AXIN1: variants seen among roughly 807,000 people sequenced by gnomAD.
AXIN1 encodes axin 1.
Under a neutral mutation model 76.4 loss-of-function variants are expected in AXIN1, and 30 were observed. That is an observed-to-expected ratio of 0.39 (90% confidence interval 0.29 to 0.53). AXIN1 has a LOEUF of 0.53. Among genes scored for constraint, AXIN1 ranks in the 20% least tolerant of loss-of-function variants. AXIN1 has a pLI of 0.66. For synonymous variants in AXIN1, 545 were observed against 501.4 expected (o/e 1.09, Z -1.16); for missense variants, 1,140 against 1,198.8 (o/e 0.95, Z 0.72).
intron 3 of AXIN1, among the ~76,000 whole-genome samples, chr16:312,252 A>C (rs115656936): frequency 0.024 from 3,642 of 152,200 alleles, 140 homozygotes; most frequent in African/African-American, 0.084. Flanking sequence ...GCCCCACCGG[A>C]ATGATGCTCT....
Position 352,289 on chromosome 16 carries a change from C to G in AXIN1, c.-82+80G>C, listed in dbSNP as rs995629910. The G allele has an allele frequency of 1.4e-5, 12 of 869,894 alleles. No homozygotes were observed. The Admixed American group carries it at 1.9e-4, about 14-fold the overall frequency. The allele number at this position is 869,894 out of a possible 1,614,324, so 53.9% of individuals were successfully genotyped here. A position where few individuals can be genotyped will look rare whatever the true frequency, so the allele number is the denominator to read the frequency against. ...CCCTCGGTCCCACGCGCGTCAGCCA[C>G]CCGCGCCCCCCGCCGCTTCCGGGTC... On this transcript the variant is annotated intron_variant, in intron 1 of 10. Coordinates refer to ENST00000262320, the MANE Select transcript of AXIN1 (RefSeq NM_003502.4).
In AXIN1 at chr16:352,427, G is replaced by T. The variant is rs775147066; in HGVS notation, c.-140C>A. 2 of 979,074 alleles carry T rather than the reference G, an allele frequency of 2.0e-6. No homozygotes were observed. The highest frequency in any genetic ancestry group is 9.4e-5 in the South Asian group (2 of 21,356). 60.6% of individuals were successfully genotyped at this position (979,074 alleles called of 1,614,324 possible). On this transcript the variant is annotated 5_prime_UTR_variant, in exon 1 of 11. Transcript: ENST00000262320. The stretch of plus-strand genomic sequence containing the variant: ...CTCCCGGAGCGGCGCGGCGCGGTCC[G>T]GGCCCATGCGCTCAGCGGCAGCGCG...
At chr16:322,584 G>A (rs2053482751) in intron 2 of AXIN1, among the ~76,000 whole-genome samples, 1 of 152,190 alleles carries the variant, frequency 6.6e-6, no homozygotes, top group South Asian at 2.1e-4. Context: ...GGACCTGGCT[G>A]TCCGCGAGGC....
chr16:325,342 C>T (rs1329251949), intron 2 of AXIN1, among the ~76,000 whole-genome samples: 1 of 152,226 alleles, frequency 6.6e-6, no homozygotes, highest in Non-Finnish European at 1.5e-5. Context: ...TGGCTTTCTT[C>T]ACTGGCACAG....
At chr16:290,718 A>G in intron 9 of AXIN1, 1 of 300,410 alleles carries the variant, frequency 3.3e-6, no homozygotes, top group South Asian at 3.1e-5. Context: ...AGGTGGGAGC[A>G]GAGCCCCGAC....
At chr16:303,915 C>G (rs2052943803) in intron 5 of AXIN1, among the ~76,000 whole-genome samples, 1 of 152,226 alleles carries the variant, frequency 6.6e-6, no homozygotes, top group African/African-American at 2.4e-5. Flanking sequence ...ACGCCACTAG[C>G]CCTTCCTGCT....
chr16:349,415 G>A (rs1335722101), intron 1 of AXIN1, among the ~76,000 whole-genome samples: 5 of 152,184 alleles, frequency 3.3e-5, no homozygotes, highest in African/African-American at 1.2e-4. Flanking sequence ...ATCTGTCTGG[G>A]ACGCCATCAC....
chr16:334,792 G>A (rs529655228), intron 2 of AXIN1, among the ~76,000 whole-genome samples: 7 of 149,994 alleles, frequency 4.7e-5, no homozygotes, highest in Non-Finnish European at 8.9e-5. Context: ...GCCACAGCAT[G>A]CCAATAACAC....
intron 2 of AXIN1, among the ~76,000 whole-genome samples, chr16:326,994 T>C (rs1395261355): frequency 6.6e-6 from 1 of 150,604 alleles, no homozygotes; most frequent in Non-Finnish European, 1.5e-5. Context: ...TAAAAAAAAT[T>C]AGCCGGGTGC....
intron 7 of AXIN1, among the ~76,000 whole-genome samples, chr16:295,881 T>G (rs754534057): frequency 4.6e-5 from 7 of 152,030 alleles, no homozygotes; most frequent in Non-Finnish European, 1.0e-4. Flanking sequence ...GCAGGAGAAT[T>G]GCTTGAACCC....
rs1240455838 is a variant in AXIN1 at position 293,375 on chromosome 16, A to G, written c.2186+113T>C. The G allele has an allele frequency of 1.9e-6, 2 of 1,052,310 alleles. No individual in the cohort carries two copies. Among genetic ancestry groups the G allele is most frequent in the East Asian group, 2.6e-5 (1 of 38,434 alleles). 65.2% of individuals were successfully genotyped at this position (1,052,310 alleles called of 1,614,324 possible). A position where few individuals can be genotyped will look rare whatever the true frequency, so the allele number is the denominator to read the frequency against. ...TGGAAGGGCCCAGTATGGCTGGGGG[A>G]CACCCAGAGGGCCGTTTTTCCCCTG... On this transcript the variant is annotated intron_variant, in intron 8 of 10. Transcript: ENST00000262320. This position sits in a 1 kb window ranked among gnomAD's most constrained non-coding sequence, Gnocchi z 4.6.
rs547224994 is a variant in AXIN1, at chr16:291,169, G to A, written c.2294+21C>T. 19 of 1,562,172 alleles carry A rather than the reference G, an allele frequency of 1.2e-5. No individual in the cohort carries two copies. The African/African-American group carries it at 1.8e-4, about 14-fold the overall frequency. ...AGGGCTGGGGTGGGCAGGACCGGGA[G>A]GACCCTCAGGACGCACGTACTCTGT... On this transcript the variant is annotated intron_variant, in intron 9 of 10. Transcript: ENST00000262320.
intron 9 of AXIN1, chr16:290,906 C>T: frequency 1.9e-6 from 1 of 515,912 alleles, no homozygotes; most frequent in Non-Finnish European, 3.5e-6. Flanking sequence ...GGAAGCCTGG[C>T]CGTGACACCT....
At chr16:300,091 C>G (rs1003850265) in intron 5 of AXIN1, among the ~76,000 whole-genome samples, 7 of 152,148 alleles carry the variant, frequency 4.6e-5, no homozygotes, top group Admixed American at 1.3e-4. Context: ...AGGCACCCAC[C>G]ACCATGCCCA....
chr16:328,836 C>T (rs2053633265), intron 2 of AXIN1, among the ~76,000 whole-genome samples: 1 of 152,148 alleles, frequency 6.6e-6, no homozygotes, highest in South Asian at 2.1e-4. Flanking sequence ...GGCCGGGCAC[C>T]CTGTCCTCTC....
In AXIN1 at chr16:301,834, A is replaced by G. The variant is rs373260471; in HGVS notation, c.1254+2470T>C. Among the ~76,000 whole-genome samples, 58 of 152,288 alleles carry G rather than the reference A, an allele frequency of 3.8e-4. No individual in the cohort carries two copies. In the East Asian group the frequency reaches 0.01, roughly 26 times the overall value. On this transcript the variant is annotated intron_variant, in intron 5 of 10. Transcript: ENST00000262320. ...TCTGCAGAAAATGACAGCGGCCAAC[A>G]CGGCAGCAAAACAGCAAAGGCTTCC...
chr16:291,720 AGG>A, intron 8 of AXIN1: 2 of 314,440 alleles, frequency 6.4e-6, no homozygotes, highest in Non-Finnish European at 1.2e-5. Flanking sequence ...CACCTCAGGG[AGG>A]CTGAGGGCCC....
rs888586499 is a variant in AXIN1, at chr16:305,738, A to G, written c.1117-1297T>C. On this transcript the variant is annotated intron_variant, in intron 4 of 10. Transcript: ENST00000262320. ...TTTTTGTATTTTTAGTAGAGACAGG[A>G]TTTCACCGTGTTAGCCAGGATGGTC... is the stretch of plus-strand genomic sequence containing the variant. 4.4e-4 allele frequency among the ~76,000 whole-genome samples: 67 copies of G among 151,670 alleles called. No individual in the cohort carries two copies. The East Asian group carries it at 8.3e-3, about 19-fold the overall frequency.
chr16:321,051 C>G (rs1392009226), intron 2 of AXIN1, among the ~76,000 whole-genome samples: 1 of 152,114 alleles, frequency 6.6e-6, no homozygotes, highest in Non-Finnish European at 1.5e-5. Context: ...AAAAATGTTT[C>G]ATGCCAAAAG....
Sources: gnomAD v4.1 joint callset for allele counts (sites outside exome capture counted in the v4.1 genomes callset) on GRCh38, gnomAD v4.1.1 for gene constraint, Gnocchi (gnomAD v3.1) non-coding constraint, MANE v1.5 for transcripts, NCBI Gene and HGNC (gene_info 2026-07-23, HGNC 2026-07-21) for gene names.